The following SUCLG2 variants were observed in gnomAD, a reference collection of about 807,000 sequenced individuals.
The protein encoded by SUCLG2 is succinate-CoA ligase GDP-forming subunit beta.
SUCLG2 carries 42 observed loss-of-function variants against 47.9 expected under a neutral mutation model. The ratio of observed to expected loss-of-function variants is 0.88; its 90% CI spans 0.69 to 1.14. The LOEUF (loss-of-function observed/expected upper bound fraction) is 1.14, where lower values mean the gene tolerates loss of function less well. Ranked by LOEUF, SUCLG2 falls within the 50% of genes most tolerant of loss-of-function variation. The pLI is 0.00. For synonymous variants in SUCLG2, 195 were observed against 197.3 expected, an observed-to-expected ratio of 0.99 and a Z score of 0.10; for missense variants, 571 against 525.9, an observed-to-expected ratio of 1.09 and a Z score of -0.84.
chr3:67,474,586 A>C (rs149862227), intron 9 of SUCLG2, among the ~76,000 whole-genome samples: 6 of 152,296 alleles, frequency 3.9e-5, no homozygotes, highest in African/African-American at 1.4e-4. Context: ...TCACATTTAG[A>C]AGGGCTCATG....
At chr3:67,550,197 T>C (rs1032382223) in intron 2 of SUCLG2, among the ~76,000 whole-genome samples, 3 of 152,222 alleles carry the variant, frequency 2.0e-5, no homozygotes, top group Non-Finnish European at 4.4e-5. Context: ...TTGGTCTCTG[T>C]GAGACTCAGG....
At chr3:67,550,252 A>G (rs1035452242) in intron 2 of SUCLG2, among the ~76,000 whole-genome samples, 5 of 152,242 alleles carry the variant, frequency 3.3e-5, no homozygotes, top group Non-Finnish European at 7.3e-5. Context: ...CGTGAAGCAG[A>G]AAGGGGTGAT....
At chr3:67,486,622 C>T (rs552270450) in intron 9 of SUCLG2, among the ~76,000 whole-genome samples, 17 of 152,158 alleles carry the variant, frequency 1.1e-4, no homozygotes, top group South Asian at 2.1e-4. Flanking sequence ...TAACTCATGC[C>T]GAATGAAGCT....
At chr3:67,487,108 T>C (rs1705073734) in intron 9 of SUCLG2, among the ~76,000 whole-genome samples, 1 of 152,098 alleles carries the variant, frequency 6.6e-6, no homozygotes, top group Non-Finnish European at 1.5e-5. Flanking sequence ...AAAAAGAATC[T>C]TATTAATAAC....
At chr3:67,435,371 A>G (rs1703593028) in intron 9 of SUCLG2, among the ~76,000 whole-genome samples, 1 of 152,228 alleles carries the variant, frequency 6.6e-6, no homozygotes, top group Non-Finnish European at 1.5e-5. Flanking sequence ...GAAAATATGT[A>G]TTATTAACAC....
chr3:67,444,097 C>A (rs1433605648), intron 9 of SUCLG2, among the ~76,000 whole-genome samples: 1 of 97,410 alleles, frequency 1.0e-5, no homozygotes, highest in Non-Finnish European at 2.1e-5. Context: ...CCGCGCCGTC[C>A]GGGAGGGAGG....
intron 2 of SUCLG2, among the ~76,000 whole-genome samples, chr3:67,550,984 T>G (rs1005859325): frequency 6.6e-6 from 1 of 152,230 alleles, no homozygotes; most frequent in African/African-American, 2.4e-5. Flanking sequence ...TACTTATACA[T>G]ATCAAGTAAA....
rs1371903381 is a variant in SUCLG2 at position 67,553,397 on chromosome 3, T to C, written c.227-24211A>G. On this transcript the variant is annotated intron_variant, in intron 2 of 10. Transcript: ENST00000307227. ...CAAATGTTTAAAACTTCATCTTTTT[T>C]GTAGCCTTTGAGTTCAACTTGCAAA... 5.3e-5 allele frequency among the ~76,000 whole-genome samples: 8 copies of C among 152,254 alleles called. No homozygotes were observed. In the East Asian group the frequency reaches 1.5e-3, roughly 29 times the overall value.
At chr3:67,632,399 T>A (rs887408474) in intron 1 of SUCLG2, among the ~76,000 whole-genome samples, 4 of 152,104 alleles carry the variant, frequency 2.6e-5, no homozygotes, top group African/African-American at 9.7e-5. Flanking sequence ...GCCAGACTGG[T>A]CTTGAATGGG....
chr3:67,500,728 A>G (rs895374031), intron 7 of SUCLG2, among the ~76,000 whole-genome samples: 6 of 152,204 alleles, frequency 3.9e-5, no homozygotes, highest in African/African-American at 1.4e-4. Context: ...TCCATTACTC[A>G]TTGGCAAGAC....
intron 9 of SUCLG2, among the ~76,000 whole-genome samples, chr3:67,463,088 T>C (rs921829658): frequency 6.6e-6 from 1 of 152,200 alleles, no homozygotes; most frequent in African/African-American, 2.4e-5. Flanking sequence ...GTCCTATGAG[T>C]TGAGTGTGAC....
At chr3:67,491,361 C>CTTTTTTTT (rs549763218) in intron 9 of SUCLG2, among the ~76,000 whole-genome samples, 1 of 125,852 alleles carries the variant, frequency 7.9e-6, no homozygotes, top group Non-Finnish European at 1.6e-5. Flanking sequence ...TTTTCTTTTA[C>CTTTTTTTT]TTTTTTTTTT....
chr3:67,619,887 C>T (rs1324311824), intron 1 of SUCLG2, among the ~76,000 whole-genome samples: 1 of 152,110 alleles, frequency 6.6e-6, no homozygotes, highest in African/African-American at 2.4e-5. Flanking sequence ...CTAAAAATAC[C>T]AAACATCCTT....
In SUCLG2 at chr3:67,518,599, A is replaced by G. The variant is rs76720727; in HGVS notation, c.571-263T>C. Among the ~76,000 whole-genome samples, 403 of 152,324 alleles carry G rather than the reference A, an allele frequency of 2.6e-3. 3 individuals carry two copies. The highest frequency in any genetic ancestry group is 0.015 in the East Asian group (78 of 5,180). ...AATCTGATGCCAGTTTTCACTTTTA[A>G]TTACTATACAGATGGCATTGATGAA... On this transcript the variant is annotated intron_variant, in intron 5 of 10. Transcript: ENST00000307227.
chr3:67,541,306 T>C, intron 2 of SUCLG2, among the ~76,000 whole-genome samples: 1 of 152,088 alleles, frequency 6.6e-6, no homozygotes, highest in South Asian at 2.1e-4. Flanking sequence ...GCTAAGAACC[T>C]TGAGAAAAGG....
chr3:67,624,993 T>C (rs890226551), intron 1 of SUCLG2, among the ~76,000 whole-genome samples: 6 of 152,142 alleles, frequency 3.9e-5, no homozygotes, highest in Admixed American at 3.3e-4. Context: ...AAGGAAACAA[T>C]ATCCTAAACA....
At chr3:67,643,259 C>T (rs546570315) in intron 1 of SUCLG2, among the ~76,000 whole-genome samples, 85 of 152,286 alleles carry the variant, frequency 5.6e-4, no homozygotes, top group African/African-American at 2.0e-3. Flanking sequence ...ACAACGACTA[C>T]GACCGCCATC....
At chr3:67,517,491 CAAGT>C (rs1485961001) in intron 6 of SUCLG2, among the ~76,000 whole-genome samples, 1 of 152,026 alleles carries the variant, frequency 6.6e-6, no homozygotes, top group Non-Finnish European at 1.5e-5. Flanking sequence ...GAGGAAGGAA[CAAGT>C]AAGTTTATCT....
chr3:67,507,968 C>T (rs1445366714), intron 7 of SUCLG2, among the ~76,000 whole-genome samples: 1 of 151,702 alleles, frequency 6.6e-6, no homozygotes, highest in Non-Finnish European at 1.5e-5. Context: ...TTACCACACA[C>T]ACATTTACAA....
Sources: gnomAD v4.1 joint callset for allele counts (sites outside exome capture counted in the v4.1 genomes callset) on GRCh38, gnomAD v4.1.1 for gene constraint, MANE v1.5 for transcripts, NCBI Gene and HGNC (gene_info 2026-07-23, HGNC 2026-07-21) for gene names.